Variants in KLF8 observed in about 807,000 individuals in gnomAD.
KLF8 encodes Krueppel-like factor 8.
Under a neutral mutation model 18.2 loss-of-function variants are expected in KLF8, and 10 were observed. That is an observed-to-expected ratio of 0.55 (90% CI 0.34 to 0.93). KLF8 has a LOEUF of 0.93. Among genes scored for constraint, KLF8 ranks in the 40% least tolerant of loss-of-function variants. KLF8 has a pLI of 0.02. For synonymous variants in KLF8, 109 were observed against 97.3 expected (o/e 1.12, Z -0.71); for missense variants, 264 against 277.9 (o/e 0.95, Z 0.36).
the KLF8 span, among the ~76,000 whole-genome samples, chrX:56,194,876 A>G: frequency 5.3e-5 from 6 of 112,224 alleles, no homozygotes; most frequent in African/African-American, 1.6e-4. Context: ...ATCAGACAGC[A>G]ATATTTGCTG....
At chrX:56,036,216 T>G in the KLF8 span, among the ~76,000 whole-genome samples, 1 of 112,015 alleles carries the variant, frequency 8.9e-6, no homozygotes, top group Non-Finnish European at 1.9e-5. Context: ...TATCATCTCA[T>G]CTATGCTTTT....
chrX:56,277,771 A>G (rs958032185), intron 5 of KLF8, among the ~76,000 whole-genome samples: 1 of 112,647 alleles, frequency 8.9e-6, no homozygotes, highest in Non-Finnish European at 1.9e-5. Flanking sequence ...TGGTAGGTCC[A>G]GAGATGCCAT....
chrX:56,217,245 A>G, the KLF8 span, among the ~76,000 whole-genome samples: 1 of 111,302 alleles, frequency 9.0e-6, no homozygotes, highest in African/African-American at 3.3e-5. Context: ...GTAATGCTTC[A>G]TATGTAGCAT....
the KLF8 span, among the ~76,000 whole-genome samples, chrX:56,096,356 G>A: frequency 6.3e-5 from 7 of 111,133 alleles, no homozygotes; most frequent in African/African-American, 9.8e-5. Context: ...TACACTGTGG[G>A]TGATAGGTAC....
chrX:56,171,411 A>G, the KLF8 span, among the ~76,000 whole-genome samples: 1 of 111,765 alleles, frequency 8.9e-6, no homozygotes, highest in Non-Finnish European at 1.9e-5. Context: ...TCTAGGGTAC[A>G]TGTGCACAAC....
At chrX:56,245,524 C>T (rs1277913514) in intron 1 of KLF8, among the ~76,000 whole-genome samples, 2 of 112,109 alleles carry the variant, frequency 1.8e-5, no homozygotes, top group Non-Finnish European at 3.8e-5. Flanking sequence ...CATTGACCCA[C>T]TGGCGATGGG....
chrX:56,086,543 T>C, the KLF8 span, among the ~76,000 whole-genome samples: 1 of 111,303 alleles, frequency 9.0e-6, no homozygotes, highest in Admixed American at 9.6e-5. Context: ...TAAGATCTAG[T>C]AAGCTTGTCT....
At chrX:56,214,380 C>A in the KLF8 span, among the ~76,000 whole-genome samples, 2 of 112,304 alleles carry the variant, frequency 1.8e-5, no homozygotes, top group Middle Eastern at 4.6e-3. Flanking sequence ...TAAAACTTCA[C>A]AGCAATTATA....
the KLF8 span, among the ~76,000 whole-genome samples, chrX:56,057,960 A>T: frequency 9.4e-6 from 1 of 106,201 alleles, no homozygotes; most frequent in Admixed American, 1.0e-4. Context: ...CAATGGAGAG[A>T]ACAGGTTGCT....
chrX:56,092,990 C>A, the KLF8 span, among the ~76,000 whole-genome samples: 1 of 102,953 alleles, frequency 9.7e-6, no homozygotes. Flanking sequence ...ATTACCAAAA[C>A]TTAAATGCAA....
In KLF8 at chrX:56,289,016, C is replaced by T. The variant is rs762153587; in HGVS notation, c.*4522C>T. ...CTGGAGTGGTAAGTTATATGCCACA[C>T]CCTTCAGAGCATGTATCTTACATAA... On this transcript the variant is annotated 3_prime_UTR_variant, in exon 6 of 6. Transcript: ENST00000468660. Among the ~76,000 whole-genome samples, 1 of 112,012 alleles carries T rather than the reference C, an allele frequency of 8.9e-6. No individual in the cohort carries two copies. The highest frequency in any genetic ancestry group is 1.9e-5 in the Non-Finnish European group (1 of 53,222).
chrX:56,055,915 T>C, the KLF8 span, among the ~76,000 whole-genome samples: 1 of 112,051 alleles, frequency 8.9e-6, no homozygotes, highest in Non-Finnish European at 1.9e-5. Flanking sequence ...GCTCTATTAG[T>C]TCAGTTATAT....
At chrX:56,025,522 T>C in the KLF8 span, among the ~76,000 whole-genome samples, 1 of 112,043 alleles carries the variant, frequency 8.9e-6, no homozygotes, top group Non-Finnish European at 1.9e-5. Context: ...TGAATATGAT[T>C]CATGGCAGAT....
At chrX:56,137,506 C>CA in the KLF8 span, among the ~76,000 whole-genome samples, 1 of 104,215 alleles carries the variant, frequency 9.6e-6, no homozygotes, top group Non-Finnish European at 1.9e-5. Flanking sequence ...ATCGCAAGAA[C>CA]AAAAAACCAA....
At chrX:55,941,991 A>C in the KLF8 span, among the ~76,000 whole-genome samples, 1 of 111,484 alleles carries the variant, frequency 9.0e-6, no homozygotes, top group Admixed American at 9.5e-5. Flanking sequence ...TAGAAATACC[A>C]TTTGACCCAG....
chrX:56,063,669 G>A, the KLF8 span, among the ~76,000 whole-genome samples: 3 of 111,757 alleles, frequency 2.7e-5, no homozygotes, highest in Admixed American at 9.5e-5. Context: ...GTCTCTTAGT[G>A]GAGGTCAAGT....
chrX:55,927,652 CT>C, the KLF8 span, among the ~76,000 whole-genome samples: 1 of 112,277 alleles, frequency 8.9e-6, no homozygotes, highest in Middle Eastern at 4.7e-3. Flanking sequence ...TTCATATTTC[CT>C]TTCTAAAAGA....
the KLF8 span, among the ~76,000 whole-genome samples, chrX:56,182,032 C>A: frequency 9.0e-6 from 1 of 111,679 alleles, no homozygotes; most frequent in East Asian, 2.8e-4. Flanking sequence ...AGGAAGTTCT[C>A]CTGGATACTA....
the KLF8 span, among the ~76,000 whole-genome samples, chrX:56,221,685 G>C: frequency 1.8e-5 from 2 of 111,364 alleles, no homozygotes; most frequent in African/African-American, 6.5e-5. Flanking sequence ...GTTCCTCCCC[G>C]GTGGGTTCGT....
Sources: gnomAD v4.1 joint callset for allele counts (sites outside exome capture counted in the v4.1 genomes callset) on GRCh38, gnomAD v4.1.1 for gene constraint, MANE v1.5 for transcripts, NCBI Gene and HGNC (gene_info 2026-07-23, HGNC 2026-07-21) for gene names.